The following PMFBP1 variants were observed in gnomAD, a reference collection of about 807,000 sequenced individuals.
PMFBP1 encodes polyamine modulated factor 1 binding protein 1, also known as polyamine-modulated factor 1-binding protein 1.
Under a neutral mutation model 137.8 loss-of-function variants are expected in PMFBP1, and 131 were observed. The observed-to-expected ratio is 0.95, with a 90% CI of 0.82 to 1.10. The LOEUF (loss-of-function observed/expected upper bound fraction) is 1.10, where lower values mean the gene tolerates loss of function less well. Ranked by LOEUF, PMFBP1 falls within the 50% of genes least tolerant of loss-of-function variation. The pLI, the probability that PMFBP1 is intolerant of heterozygous loss-of-function variation, is 0.00. For synonymous variants in PMFBP1, 490 were observed against 450.4 expected (o/e 1.09, Z -1.11); for missense variants, 1,199 against 1,175.4 (o/e 1.02, Z -0.29).
the PMFBP1 span, among the ~76,000 whole-genome samples, chr16:72,217,155 A>G: frequency 3.9e-5 from 6 of 152,336 alleles, no homozygotes; most frequent in South Asian, 1.0e-3. Flanking sequence ...GTTCTGGCCA[A>G]TGAAGCATAA....
chr16:72,149,018 T>C (rs925384426), intron 5 of PMFBP1, among the ~76,000 whole-genome samples: 1 of 152,220 alleles, frequency 6.6e-6, no homozygotes, highest in Admixed American at 6.5e-5. Flanking sequence ...AGGCCTTTGT[T>C]GAGACTACAT....
chr16:72,242,942 G>T, the PMFBP1 span, among the ~76,000 whole-genome samples: 1 of 152,200 alleles, frequency 6.6e-6, no homozygotes, highest in Admixed American at 6.5e-5. Context: ...TTGAGCCCTG[G>T]GTGGGTATAA....
chr16:72,127,845 C>T (rs954533079), intron 14 of PMFBP1, among the ~76,000 whole-genome samples: 1 of 152,270 alleles, frequency 6.6e-6, no homozygotes, highest in Admixed American at 6.5e-5. Context: ...CTGGGCAGTG[C>T]TATTTTTATA....
At chr16:72,141,563 A>G (rs1026022106) in intron 5 of PMFBP1, among the ~76,000 whole-genome samples, 1 of 152,208 alleles carries the variant, frequency 6.6e-6, no homozygotes, top group Non-Finnish European at 1.5e-5. Context: ...TTTTTAAAAC[A>G]TAAAAAATGT....
the PMFBP1 span, among the ~76,000 whole-genome samples, chr16:72,193,322 T>A: frequency 1.8e-4 from 27 of 151,656 alleles, no homozygotes; most frequent in Admixed American, 3.9e-4. Context: ...CCCATGAGTT[T>A]GAGGCTAAAG....
intron 2 of PMFBP1, among the ~76,000 whole-genome samples, chr16:72,165,453 T>G (rs2043131476): frequency 6.6e-6 from 1 of 151,622 alleles, no homozygotes; most frequent in Non-Finnish European, 1.5e-5. Context: ...CTTGCTCTAT[T>G]GCCCAGGCTG....
the PMFBP1 span, among the ~76,000 whole-genome samples, chr16:72,227,663 T>C: frequency 6.6e-6 from 1 of 152,214 alleles, no homozygotes; most frequent in Non-Finnish European, 1.5e-5. Flanking sequence ...CAGAATGGTA[T>C]GCCCTTAAGA....
At chr16:72,186,221 GA>G in the PMFBP1 span, among the ~76,000 whole-genome samples, 2 of 152,156 alleles carry the variant, frequency 1.3e-5, no homozygotes, top group African/African-American at 4.8e-5. Flanking sequence ...AGCTCTCCCA[GA>G]ATAACTTTTC....
Position 72,171,446 on chromosome 16 carries a change from G to A in PMFBP1, c.-60-178C>T, listed in dbSNP as rs1302609126. ...TTTTAAAAGGGTGTTAAAACCTCCA[G>A]ATGGCAGGACCATGGTTTTACATCT... On this transcript the variant is annotated intron_variant, in intron 1 of 20. Coordinates refer to ENST00000237353, the MANE Select transcript of PMFBP1 (RefSeq NM_031293.3). The A allele has an allele frequency of 7.8e-6, 4 of 513,176 alleles. No individual in the cohort carries two copies. In the East Asian group the frequency reaches 1.2e-4, roughly 15 times the overall value. 31.8% of individuals were successfully genotyped at this position (513,176 alleles called of 1,614,324 possible). A position where few individuals can be genotyped will look rare whatever the true frequency, so the allele number is the denominator to read the frequency against.
the PMFBP1 span, among the ~76,000 whole-genome samples, chr16:72,193,660 C>G: frequency 2.0e-5 from 3 of 150,758 alleles, no homozygotes; most frequent in East Asian, 5.8e-4. Context: ...TTGATACCTA[C>G]TATGAAGAAC....
At chr16:72,220,063 A>G in the PMFBP1 span, among the ~76,000 whole-genome samples, 1 of 152,260 alleles carries the variant, frequency 6.6e-6, no homozygotes, top group Non-Finnish European at 1.5e-5. Context: ...TTGAAGAAAC[A>G]GACACACTCA....
intron 12 of PMFBP1, 131 bp downstream of exon 12, chr16:72,130,082 T>C: frequency 4.9e-6 from 6 of 1,225,524 alleles, no homozygotes; most frequent in Non-Finnish European, 6.9e-6. Context: ...CTGGAACCCC[T>C]GGGCTCAAGT....
intron 7 of PMFBP1, 37 bp downstream of exon 7, chr16:72,139,252 C>T (rs202065085): frequency 9.1e-5 from 135 of 1,479,224 alleles, no homozygotes; most frequent in African/African-American, 2.8e-4. Context: ...CAGCTCAGCC[C>T]GATCCCAGTA....
chr16:72,188,237 T>A, the PMFBP1 span, among the ~76,000 whole-genome samples: 4 of 152,254 alleles, frequency 2.6e-5, no homozygotes, highest in Admixed American at 1.3e-4. Flanking sequence ...CCAAGTTATA[T>A]GCTCGATTGG....
intron 4 of PMFBP1, among the ~76,000 whole-genome samples, chr16:72,151,284 C>A (rs1242238769): frequency 6.6e-6 from 1 of 152,168 alleles, no homozygotes; most frequent in Non-Finnish European, 1.5e-5. Context: ...GAACATGACC[C>A]AAAGTTCCTC....
At position 72,125,269 on chromosome 16, in the gene PMFBP1, A is replaced by C; in HGVS notation, c.2390T>G (p.Leu797Arg). The C allele has an allele frequency of 3.7e-6, 6 of 1,613,978 alleles. No homozygotes were observed. The highest frequency in any genetic ancestry group is 5.1e-6 in the Non-Finnish European group (6 of 1,179,978). Residue 797 changes from leucine (L) to arginine (R), a missense_variant, in exon 16 of 21, where the codon CTG (leucine) becomes CGG (arginine). Physicochemically the swap from Leu to Arg is moderately radical, Grantham distance 102. Transcript: ENST00000237353. ...CTCACTCTCCTGGTGGAAGCCCCGCAGTTTTCTTAATTCCGTATTGAGCTT... is the reference window on the plus strand; with the variant it reads ...CTCACTCTCCTGGTGGAAGCCCCGCCGTTTTCTTAATTCCGTATTGAGCTT... ...MKKLNTELRK[L>R]RGFHQESELE...
chr16:72,124,085 T>C (rs1421844367), intron 17 of PMFBP1, among the ~76,000 whole-genome samples: 1 of 152,108 alleles, frequency 6.6e-6, no homozygotes, highest in African/African-American at 2.4e-5. Flanking sequence ...TCACGGCTCA[T>C]GGCAGCTTAA....
At chr16:72,206,763 G>A in the PMFBP1 span, among the ~76,000 whole-genome samples, 4 of 152,250 alleles carry the variant, frequency 2.6e-5, no homozygotes, top group South Asian at 8.3e-4. Flanking sequence ...AACGATTACC[G>A]TAGCTAAAAG....
chr16:72,153,939 CA>C lies in PMFBP1; in HGVS notation c.414+271del, dbSNP rs2042941727. Among the ~76,000 whole-genome samples, 5 of 149,510 alleles carry C rather than the reference CA, an allele frequency of 3.3e-5. No individual in the cohort carries two copies. The South Asian group carries it at 1.1e-3, about 32-fold the overall frequency. On this transcript the variant is annotated intron_variant, in intron 4 of 20. Coordinates refer to ENST00000237353, the MANE Select transcript of PMFBP1 (RefSeq NM_031293.3). ...GGACTTATACACACACACACACACA[CA>C]CACACACACACACACACACACATGC...
Sources: allele counts gnomAD v4.1 joint callset (sites outside exome capture counted in the v4.1 genomes callset), GRCh38; gene constraint gnomAD v4.1.1; transcripts MANE v1.5; gene names NCBI Gene and HGNC (gene_info 2026-07-23, HGNC 2026-07-21).